The following TRPM3 variants were observed in gnomAD, a reference collection of about 807,000 sequenced individuals.
The protein encoded by TRPM3 is transient receptor potential cation channel subfamily M member 3.
Under a neutral mutation model 181.2 loss-of-function variants are expected in TRPM3, and 77 were observed. The observed-to-expected ratio is 0.42, with a 90% CI of 0.35 to 0.51. The LOEUF (loss-of-function observed/expected upper bound fraction) is 0.51, where lower values mean the gene tolerates loss of function less well. Ranked by LOEUF, TRPM3 falls within the 20% of genes least tolerant of loss-of-function variation. TRPM3 has a pLI of 0.01. For synonymous variants in TRPM3, 745 were observed against 796.4 expected, an observed-to-expected ratio of 0.94 and a Z score of 1.09; for missense variants, 1,759 against 2,196.7, an observed-to-expected ratio of 0.80 and a Z score of 3.98.
intron 22 of TRPM3, among the ~76,000 whole-genome samples, chr9:70,582,178 G>A (rs963498951): frequency 1.7e-5 from 1 of 59,072 alleles, no homozygotes; most frequent in Non-Finnish European, 3.6e-5. Context: ...CCTCCACCCT[G>A]TGCGTGTGTG....
chr9:70,833,870 G>A (rs573576746), intron 5 of TRPM3, among the ~76,000 whole-genome samples: 1 of 152,258 alleles, frequency 6.6e-6, no homozygotes, highest in African/African-American at 2.4e-5. Context: ...CAAAAGGAGT[G>A]GGGGGATTCT....
intron 1 of TRPM3, among the ~76,000 whole-genome samples, chr9:71,446,146 T>G (rs1471101516): frequency 6.6e-6 from 1 of 152,210 alleles, no homozygotes; most frequent in African/African-American, 2.4e-5. Context: ...ATTCTCTGTA[T>G]GCAAATGACA....
intron 3 of TRPM3, 27 bp downstream of exon 3, chr9:70,862,881 G>C: frequency 6.2e-7 from 1 of 1,609,606 alleles, no homozygotes; most frequent in Non-Finnish European, 8.5e-7. Flanking sequence ...ATAGCATTTG[G>C]GAGCAACTGA....
chr9:71,028,022 C>G (rs2056796823), intron 1 of TRPM3, among the ~76,000 whole-genome samples: 1 of 152,012 alleles, frequency 6.6e-6, no homozygotes, highest in Non-Finnish European at 1.5e-5. Context: ...AGCAGATTCT[C>G]CAAGGTAGAA....
At chr9:71,296,919 C>T (rs1304598465) in intron 1 of TRPM3, among the ~76,000 whole-genome samples, 2 of 151,472 alleles carry the variant, frequency 1.3e-5, no homozygotes, top group Non-Finnish European at 2.9e-5. Context: ...ATGAGAAACA[C>T]TGCAGAAAGA....
At chr9:70,629,997 G>A (rs1421268827) in intron 12 of TRPM3, among the ~76,000 whole-genome samples, 2 of 152,264 alleles carry the variant, frequency 1.3e-5, no homozygotes, top group Non-Finnish European at 2.9e-5. Context: ...GGCAGCCTCA[G>A]TGCATGATAC....
chr9:70,991,435 G>T (rs1221141817), intron 1 of TRPM3, among the ~76,000 whole-genome samples: 1 of 151,866 alleles, frequency 6.6e-6, no homozygotes, highest in Admixed American at 6.6e-5. Context: ...TATTAGACTT[G>T]CTGCTAGATC....
chr9:71,381,928 C>T (rs550601690), intron 1 of TRPM3, among the ~76,000 whole-genome samples: 20 of 152,262 alleles, frequency 1.3e-4, no homozygotes, highest in African/African-American at 4.6e-4. Flanking sequence ...GAGCACCTCT[C>T]TTCTCAGACC....
chr9:71,026,324 A>G (rs1347522472), intron 1 of TRPM3, among the ~76,000 whole-genome samples: 1 of 152,130 alleles, frequency 6.6e-6, no homozygotes, highest in Non-Finnish European at 1.5e-5. Context: ...CTGCACCTGC[A>G]TGCAGTGCAG....
chr9:70,755,636 G>C (rs1194604594), intron 8 of TRPM3, among the ~76,000 whole-genome samples: 4 of 151,976 alleles, frequency 2.6e-5, no homozygotes, highest in Non-Finnish European at 5.9e-5. Flanking sequence ...CAAAGTGCTG[G>C]GATTACAGGT....
chr9:71,229,590 C>A (rs893594059), intron 1 of TRPM3, among the ~76,000 whole-genome samples: 11 of 151,980 alleles, frequency 7.2e-5, no homozygotes, highest in African/African-American at 2.7e-4. Context: ...CCAGACTATA[C>A]AAGGAACTCA....
intron 8 of TRPM3, among the ~76,000 whole-genome samples, chr9:70,697,943 C>G (rs1249331580): frequency 1.3e-5 from 2 of 152,166 alleles, no homozygotes; most frequent in African/African-American, 2.4e-5. Flanking sequence ...TGGGCTGGCT[C>G]ACATCTGTAA....
chr9:71,377,126 T>C (rs537960048), intron 1 of TRPM3, among the ~76,000 whole-genome samples: 210 of 152,242 alleles, frequency 1.4e-3, no homozygotes, highest in African/African-American at 4.9e-3. Flanking sequence ...TTTTTGGAGA[T>C]GCCGAATTAT....
chr9:71,312,433 C>T (rs2088048564), intron 1 of TRPM3, among the ~76,000 whole-genome samples: 1 of 152,158 alleles, frequency 6.6e-6, no homozygotes, highest in South Asian at 2.1e-4. Flanking sequence ...ATTATAAATT[C>T]TCATTCATTG....
chr9:71,033,243 C>T (rs1241127530), intron 1 of TRPM3, among the ~76,000 whole-genome samples: 1 of 152,220 alleles, frequency 6.6e-6, no homozygotes, highest in African/African-American at 2.4e-5. Context: ...ACTAAAGCGT[C>T]CTAAGTAAGA....
intron 1 of TRPM3, among the ~76,000 whole-genome samples, chr9:71,252,847 CTTTTTTTTTT>C (rs11417438): frequency 1.2e-5 from 1 of 84,754 alleles, no homozygotes; most frequent in Non-Finnish European, 2.1e-5. Context: ...AATTTTGTCT[CTTTTTTTTTT>C]TTTTTTTTTT....
intron 1 of TRPM3, among the ~76,000 whole-genome samples, chr9:71,170,115 A>G (rs2134791185): frequency 6.6e-6 from 1 of 152,230 alleles, no homozygotes; most frequent in South Asian, 2.1e-4. Context: ...AATAAGAGGA[A>G]AGAAGCATAG....
chr9:71,051,884 G>A (rs2060097855), intron 1 of TRPM3, among the ~76,000 whole-genome samples: 1 of 152,138 alleles, frequency 6.6e-6, no homozygotes, highest in African/African-American at 2.4e-5. Flanking sequence ...AAAGGAAACT[G>A]GGTGGGGTGA....
chr9:71,010,751 A>G (rs2097727820), intron 1 of TRPM3, among the ~76,000 whole-genome samples: 1 of 152,172 alleles, frequency 6.6e-6, no homozygotes, highest in South Asian at 2.1e-4. Flanking sequence ...GAACTACCAT[A>G]TGATCCAGCA....
Sources: gnomAD v4.1 joint callset for allele counts (sites outside exome capture counted in the v4.1 genomes callset) on GRCh38, gnomAD v4.1.1 for gene constraint, MANE v1.5 for transcripts, NCBI Gene and HGNC (gene_info 2026-07-23, HGNC 2026-07-21) for gene names.